KLF13: variants seen among roughly 807,000 people sequenced by gnomAD.
KLF13 encodes the protein KLF transcription factor 13.
Under a neutral mutation model 16.7 loss-of-function variants are expected in KLF13, and 8 were observed. The ratio of observed to expected loss-of-function variants is 0.48; its 90% CI spans 0.28 to 0.87. The LOEUF (loss-of-function observed/expected upper bound fraction) is 0.87, where lower values mean the gene tolerates loss of function less well. Among genes scored for constraint, KLF13 ranks in the 40% least tolerant of loss-of-function variants. The pLI is 0.10. For synonymous variants in KLF13, 245 were observed against 208.4 expected (o/e 1.18, Z -1.51); for missense variants, 447 against 452.2 (o/e 0.99, Z 0.10).
chr15:31,407,879 A>T (rs1383987697), downstream of KLF13, among the ~76,000 whole-genome samples: 10 of 152,236 alleles, frequency 6.6e-5, no homozygotes, highest in African/African-American at 1.9e-4. Flanking sequence ...AAATGAATGG[A>T]TATATCCTTA....
At chr15:31,371,118 C>A (rs990130566) in intron 1 of KLF13, among the ~76,000 whole-genome samples, 1 of 152,088 alleles carries the variant, frequency 6.6e-6, no homozygotes. Flanking sequence ...GGTGCCAGAG[C>A]CCCCCACCCT....
chr15:31,389,738 A>G (rs773596338), upstream of KLF13, among the ~76,000 whole-genome samples: 1 of 152,140 alleles, frequency 6.6e-6, no homozygotes, highest in Non-Finnish European at 1.5e-5. Flanking sequence ...AGTGGAGCCC[A>G]GTGGATTCGA....
At chr15:31,412,511 T>C (rs548756683) in intron 1 of KLF13, among the ~76,000 whole-genome samples, 1 of 152,298 alleles carries the variant, frequency 6.6e-6, no homozygotes, top group African/African-American at 2.4e-5. Flanking sequence ...TAAAAGAGTT[T>C]AGCTAGGATA....
intron 1 of KLF13, among the ~76,000 whole-genome samples, chr15:31,348,863 C>T (rs1321604988): frequency 2.0e-5 from 3 of 152,130 alleles, no homozygotes; most frequent in Non-Finnish European, 4.4e-5. Context: ...CTGGTGAGGA[C>T]CCTCTTCCTG....
At chr15:31,381,163 CTCTG>C (rs2039720401), downstream of KLF13, among the ~76,000 whole-genome samples, 1 of 129,576 alleles carries the variant, frequency 7.7e-6, no homozygotes, top group African/African-American at 2.8e-5. Context: ...CAGTGCAAGA[CTCTG>C]TCTCAAAAAA....
chr15:31,432,522 C>T (rs1318553433), intron 1 of KLF13, among the ~76,000 whole-genome samples: 1 of 151,158 alleles, frequency 6.6e-6, no homozygotes. Flanking sequence ...GATCACCGCT[C>T]ACTGGAGCCT....
At chr15:31,398,428 G>A (rs979601802) in intron 2 of KLF13, among the ~76,000 whole-genome samples, 2 of 152,212 alleles carry the variant, frequency 1.3e-5, no homozygotes, top group Non-Finnish European at 2.9e-5. Flanking sequence ...GGAGCAGAGC[G>A]TGGTGGGCAA....
downstream of KLF13, among the ~76,000 whole-genome samples, chr15:31,407,559 G>T (rs527865394): frequency 1.8e-4 from 28 of 152,192 alleles, no homozygotes; most frequent in South Asian, 4.2e-4. Context: ...TATAAGAAAA[G>T]ATTTTAAAAG....
At chr15:31,350,184 G>A (rs1421855301) in intron 1 of KLF13, among the ~76,000 whole-genome samples, 4 of 152,216 alleles carry the variant, frequency 2.6e-5, no homozygotes, top group Non-Finnish European at 4.4e-5. Flanking sequence ...AAGCAGCCAG[G>A]GTCTGCCGCA....
chr15:31,433,396 G>C (rs189028153), intron 1 of KLF13, among the ~76,000 whole-genome samples: 1 of 152,134 alleles, frequency 6.6e-6, no homozygotes, highest in Non-Finnish European at 1.5e-5. Flanking sequence ...TGTTTTGCCA[G>C]CTCTCTCTGT....
chr15:31,375,112 AT>A lies in KLF13; in HGVS notation c.*2814del, dbSNP rs1045442612. ...ATGGGGGTAGGGCACCAGGAGAGAAATCCTCCTGGGTACTCCTGGCCAGACC... is the reference window on the plus strand; with the variant it reads ...ATGGGGGTAGGGCACCAGGAGAGAAACCTCCTGGGTACTCCTGGCCAGACC... On this transcript the variant is annotated 3_prime_UTR_variant, in exon 2 of 2. Coordinates refer to ENST00000307145, the MANE Select transcript of KLF13 (RefSeq NM_015995.4). 3.0e-4 allele frequency: 45 copies of A among 152,488 alleles called. No homozygotes were observed. The highest frequency in any genetic ancestry group is 1.1e-3 in the African/African-American group (44 of 41,482). 9.4% of individuals were successfully genotyped at this position (152,488 alleles called of 1,614,324 possible).
upstream of KLF13, among the ~76,000 whole-genome samples, chr15:31,390,182 C>T (rs1488861303): frequency 6.6e-6 from 1 of 152,184 alleles, no homozygotes; most frequent in African/African-American, 2.4e-5. Flanking sequence ...CACCCCCACT[C>T]CTTGTCCCTG....
chr15:31,331,538 C>G (rs566213933), intron 1 of KLF13, among the ~76,000 whole-genome samples: 8 of 152,288 alleles, frequency 5.3e-5, no homozygotes, highest in African/African-American at 1.7e-4. Flanking sequence ...CCTGGGAAAG[C>G]AGAGCAGAGG....
downstream of KLF13, among the ~76,000 whole-genome samples, chr15:31,379,034 C>T (rs2039691467): frequency 6.6e-6 from 1 of 152,090 alleles, no homozygotes; most frequent in Admixed American, 6.6e-5. Context: ...ATTACCTGTT[C>T]ATAGGGTAAA....
intron 1 of KLF13, among the ~76,000 whole-genome samples, chr15:31,421,630 C>G (rs2141008489): frequency 6.6e-6 from 1 of 151,856 alleles, no homozygotes; most frequent in African/African-American, 2.4e-5. Context: ...AAGGAAATAT[C>G]TGTAGAAGAT....
At chr15:31,365,426 T>C (rs1416151721) in intron 1 of KLF13, among the ~76,000 whole-genome samples, 1 of 152,106 alleles carries the variant, frequency 6.6e-6, no homozygotes, top group Non-Finnish European at 1.5e-5. Flanking sequence ...TCAGCGAGGC[T>C]TCCTAGAGAA....
rs148019782 is a variant in KLF13 at position 31,364,381 on chromosome 15, T to C, written c.578-7629T>C. Among the ~76,000 whole-genome samples, 143 of 152,312 alleles carry C rather than the reference T, an allele frequency of 9.4e-4. 1 individual carries two copies. The highest frequency in any genetic ancestry group is 3.3e-3 in the African/African-American group (137 of 41,560). On this transcript the variant is annotated intron_variant, in intron 1 of 1. Transcript: ENST00000307145. ...AGCCAGGCTTCAGCACCCTGCCAGC[T>C]CTTGCATGTGAAGAGTGGATAGTAG...
Position 31,327,673 on chromosome 15 carries a change from G to A in KLF13, c.461G>A (p.Gly154Asp), listed in dbSNP as rs1365306862. 2.0e-6 allele frequency: 3 copies of A among 1,513,526 alleles called. No individual in the cohort carries two copies. In the East Asian group the frequency reaches 8.4e-5, roughly 42 times the overall value. The allele number at this position is 1,513,526 out of a possible 1,614,324, so 93.8% of individuals were successfully genotyped here. A position where few individuals can be genotyped will look rare whatever the true frequency, so the allele number is the denominator to read the frequency against. Residue 154 changes from glycine (G) to aspartate (D), a missense_variant, in exon 1 of 2, where the codon GGC becomes GAC. By Grantham distance (94) the Gly-to-Asp change is moderately conservative. Transcript: ENST00000307145. ...EPGLRQRVRR[G>D]RSRADLESPQ... Reference sequence around the variant, plus strand: ...GGCCTCAGACAAAGGGTCCGGCGGGGCCGAAGTCGCGCCGACCTCGAGTCC... The same window carrying A: ...GGCCTCAGACAAAGGGTCCGGCGGGACCGAAGTCGCGCCGACCTCGAGTCC...
chr15:31,372,600 T>C lies in KLF13; in HGVS notation c.*301T>C. ...GTGAGGACACCCCTTCCTGCCGCCT[T>C]ACTCTGTACATAGATTTGCACTCTG... On this transcript the variant is annotated 3_prime_UTR_variant, in exon 2 of 2. Transcript: ENST00000307145. 2.4e-6 allele frequency: 1 copy of C among 412,438 alleles called. No individual in the cohort carries two copies. 25.5% of individuals were successfully genotyped at this position (412,438 alleles called of 1,614,324 possible).
Sources: allele counts gnomAD v4.1 joint callset (sites outside exome capture counted in the v4.1 genomes callset), GRCh38; gene constraint gnomAD v4.1.1; transcripts MANE v1.5; gene names NCBI Gene and HGNC (gene_info 2026-07-23, HGNC 2026-07-21).